AMBRA1: variants seen among roughly 807,000 people sequenced by gnomAD.
AMBRA1 encodes autophagy and beclin 1 regulator 1, also known as activating molecule in BECN1-regulated autophagy protein 1.
AMBRA1 carries 47 observed loss-of-function variants against 125.4 expected under a neutral mutation model. The observed-to-expected ratio is 0.37, with a 90% CI of 0.30 to 0.48. The LOEUF (loss-of-function observed/expected upper bound fraction) is 0.48, where lower values mean the gene tolerates loss of function less well. Ranked by LOEUF, AMBRA1 falls within the 20% of genes least tolerant of loss-of-function variation. The probability of loss-of-function intolerance (pLI) is 0.99; values close to 1 mark genes in which losing one functional copy is unlikely to be tolerated. For synonymous variants in AMBRA1, 626 were observed against 655.5 expected, an observed-to-expected ratio of 0.95 and a Z score of 0.69; for missense variants, 1,331 against 1,693.4, an observed-to-expected ratio of 0.79 and a Z score of 3.76.
intron 17 of AMBRA1, among the ~76,000 whole-genome samples, chr11:46,405,874 G>A (rs1247918570): frequency 6.6e-6 from 1 of 151,812 alleles, no homozygotes; most frequent in Non-Finnish European, 1.5e-5. Context: ...TGGGACTACA[G>A]ATGCGTGCCA....
rs1945518481 is a variant in AMBRA1 at position 46,397,612 on chromosome 11, C to T, written c.3735G>A (p.Gln1245=). Residue 1245 remains glutamine (Q), a synonymous_variant, in exon 18 of 18, where the codon CAG becomes CAA. Coordinates refer to ENST00000683756, the MANE Select transcript of AMBRA1 (RefSeq NM_001387011.1). ...QPGTPGREPT[Q]PTLPSSSPVP... ...CAGGGGAGGAAGAGGGCAGGGTTGG[C>T]TGGGTTGGCTCCCGCCCAGGGGTAC... 2.5e-6 allele frequency: 4 copies of T among 1,609,436 alleles called. No homozygotes were observed. The highest frequency in any genetic ancestry group is 1.3e-5 in the African/African-American group (1 of 74,832).
intron 8 of AMBRA1, among the ~76,000 whole-genome samples, chr11:46,512,405 T>A (rs1270098670): frequency 6.6e-6 from 1 of 152,168 alleles, no homozygotes; most frequent in Non-Finnish European, 1.5e-5. Flanking sequence ...TGGCTGTCCA[T>A]CTGAATGACA....
intron 9 of AMBRA1, 37 bp from the exon 10 acceptor site, chr11:46,494,241 C>T (rs1950558340): frequency 1.3e-6 from 2 of 1,522,918 alleles, no homozygotes; most frequent in Non-Finnish European, 1.8e-6. Context: ...AAGAGAGTCA[C>T]TAAGGAAGAA....
intron 4 of AMBRA1, 34 bp from the exon 5 acceptor site, chr11:46,545,810 T>G: frequency 6.2e-7 from 1 of 1,607,482 alleles, no homozygotes; most frequent in Non-Finnish European, 8.5e-7. Context: ...ATTCTCAGGT[T>G]ACAAGCTACC....
rs568158432 is a variant in AMBRA1 at position 46,451,111 on chromosome 11, T to C, written c.2522-7513A>G. Among the ~76,000 whole-genome samples the C allele has an allele frequency of 5.3e-5, 8 of 152,316 alleles. No homozygotes were observed. The East Asian group carries it at 1.2e-3, about 22-fold the overall frequency. On this transcript the variant is annotated intron_variant, in intron 11 of 17. Coordinates refer to ENST00000683756, the MANE Select transcript of AMBRA1 (RefSeq NM_001387011.1). Reference sequence around the variant, plus strand: ...ACAATACTAGTCATGGTAGTTCATATCTATCATATAACCACAGAAATTCCT... The same window carrying C: ...ACAATACTAGTCATGGTAGTTCATACCTATCATATAACCACAGAAATTCCT...
At chr11:46,414,872 T>C (rs1946464740) in intron 15 of AMBRA1, among the ~76,000 whole-genome samples, 1 of 152,332 alleles carries the variant, frequency 6.6e-6, no homozygotes, top group Non-Finnish European at 1.5e-5. Context: ...TTGAAGGCCT[T>C]AGTCTACTGC....
intron 9 of AMBRA1, among the ~76,000 whole-genome samples, chr11:46,506,054 C>T (rs1050798088): frequency 3.3e-5 from 5 of 152,208 alleles, no homozygotes; most frequent in African/African-American, 1.2e-4. Flanking sequence ...TATGTTTCAA[C>T]TGCTTCCCTG....
intron 1 of AMBRA1, among the ~76,000 whole-genome samples, chr11:46,557,737 G>A (rs1459898190): frequency 6.6e-6 from 1 of 152,138 alleles, no homozygotes; most frequent in African/African-American, 2.4e-5. Flanking sequence ...GAGCCCAGGA[G>A]GTCGAGGCTG....
intron 11 of AMBRA1, among the ~76,000 whole-genome samples, chr11:46,479,480 T>A (rs1010887738): frequency 3.9e-5 from 6 of 152,126 alleles, no homozygotes; most frequent in African/African-American, 1.4e-4. Context: ...TTCAGAACTC[T>A]GAGGTCAGGA....
rs144201971 is a variant in AMBRA1, at chr11:46,428,320, A to G, written c.2976+5154T>C. On this transcript the variant is annotated intron_variant, in intron 14 of 17. Coordinates refer to ENST00000683756, the MANE Select transcript of AMBRA1 (RefSeq NM_001387011.1). ...GTTTTACCACATGGCCACAAAGAAA[A>G]AGCTTTCAATAAAATTGACCCTTAG... Among the ~76,000 whole-genome samples the G allele has an allele frequency of 8.5e-5, 13 of 152,264 alleles. No individual in the cohort carries two copies. In the South Asian group the frequency reaches 2.1e-3, roughly 24 times the overall value.
chr11:46,579,677 TC>T (rs2044103535), intron 1 of AMBRA1, among the ~76,000 whole-genome samples: 1 of 152,108 alleles, frequency 6.6e-6, no homozygotes, highest in African/African-American at 2.4e-5. Context: ...GATCTTACTG[TC>T]TTAGAGTATA....
At chr11:46,427,960 G>A (rs1055015941) in intron 14 of AMBRA1, among the ~76,000 whole-genome samples, 6 of 143,124 alleles carry the variant, frequency 4.2e-5, no homozygotes, top group Non-Finnish European at 9.0e-5. Context: ...AGTGAGCCAA[G>A]GTTGTGCCAC....
At chr11:46,524,901 A>T (rs1951902505) in intron 7 of AMBRA1, among the ~76,000 whole-genome samples, 2 of 152,238 alleles carry the variant, frequency 1.3e-5, no homozygotes, top group South Asian at 4.1e-4. Context: ...AACCAACAAG[A>T]ACAGTCAGGT....
intron 17 of AMBRA1, among the ~76,000 whole-genome samples, chr11:46,403,824 T>C (rs540889726): frequency 7.9e-5 from 12 of 152,232 alleles, no homozygotes; most frequent in African/African-American, 2.6e-4. Flanking sequence ...TGGTGCTAAC[T>C]GACAGAAAAG....
chr11:46,587,845 A>T (rs967325607), intron 1 of AMBRA1, among the ~76,000 whole-genome samples: 3 of 152,208 alleles, frequency 2.0e-5, no homozygotes, highest in Non-Finnish European at 2.9e-5. Flanking sequence ...AGATGAACAA[A>T]CATCTTCATA....
At chr11:46,415,189 T>C (rs1162661164) in intron 15 of AMBRA1, among the ~76,000 whole-genome samples, 1 of 152,162 alleles carries the variant, frequency 6.6e-6, no homozygotes, top group Admixed American at 6.5e-5. Flanking sequence ...AGCTCCTACT[T>C]CCCTATTTGT....
At chr11:46,422,051 CCT>C (rs1946871671) in intron 14 of AMBRA1, among the ~76,000 whole-genome samples, 9 of 152,190 alleles carry the variant, frequency 5.9e-5, no homozygotes. Context: ...GAACACCCAC[CCT>C]GTCCCCCACT....
chr11:46,397,891 C>G lies in AMBRA1; in HGVS notation c.3456G>C (p.Gln1152His). The change falls in exon 18 of 18, where the codon CAG (glutamine) becomes CAC (histidine). Residue 1152 changes from glutamine to histidine, a missense_variant. Gln to His is a conservative substitution (Grantham distance 24). Coordinates refer to ENST00000683756, the MANE Select transcript of AMBRA1 (RefSeq NM_001387011.1). ...ASGEDALSRI[Q>H]RLMAEGGMTA... ...TCATGCCGCCCTCCGCCATCAGCCT[C>G]TGGATCCTGCTGAGCGCATCTTCTC... 6.3e-7 allele frequency: 1 copy of G among 1,599,678 alleles called. No individual in the cohort carries two copies. The highest frequency in any genetic ancestry group is 8.5e-7 in the Non-Finnish European group (1 of 1,179,826).
At position 46,494,178 on chromosome 11, in the gene AMBRA1, C is replaced by A; in HGVS notation, c.2366G>T (p.Arg789Leu). The A allele has an allele frequency of 6.2e-7, 1 of 1,606,494 alleles. No homozygotes were observed. The highest frequency in any genetic ancestry group is 8.5e-7 in the Non-Finnish European group (1 of 1,176,054). Residue 789 changes from arginine (R) to leucine (L), a missense_variant, in exon 10 of 18, where the codon CGA becomes CTA. Arg to Leu is a moderately radical substitution (Grantham distance 102). This residue lies in a region of AMBRA1 where 689 missense variants were observed against 776.5 expected (regional missense o/e 0.89). Coordinates refer to ENST00000683756, the MANE Select transcript of AMBRA1 (RefSeq NM_001387011.1). Reference protein sequence around the residue: ...FEDNGDRSRHRAPRNARMSAP... With the variant: ...FEDNGDRSRHLAPRNARMSAP... The stretch of plus-strand genomic sequence containing the variant: ...AGACATCCGGGCATTGCGTGGAGCT[C>A]GGTGCCTGGATCTGTCACCATTGTC...
Sources: gnomAD v4.1 joint callset for allele counts (sites outside exome capture counted in the v4.1 genomes callset) on GRCh38, gnomAD v4.1.1 for gene constraint, gnomAD v4.1.1 regional missense constraint, MANE v1.5 for transcripts, NCBI Gene and HGNC (gene_info 2026-07-23, HGNC 2026-07-21) for gene names.